RAB44: variants seen among roughly 807,000 people sequenced by gnomAD.
The protein encoded by RAB44 is ras-related protein Rab-44.
Under a neutral mutation model 93.3 loss-of-function variants are expected in RAB44, and 67 were observed. The observed-to-expected ratio is 0.72, with a 90% confidence interval of 0.59 to 0.88. RAB44 has a LOEUF of 0.88. Ranked by LOEUF, RAB44 falls within the 40% of genes least tolerant of loss-of-function variation. The pLI is 0.00. For missense variants in RAB44, 1,064 were observed against 1,261.7 expected (o/e 0.84, Z 2.37); for synonymous variants, 427 against 520.3 (o/e 0.82, Z 2.44).
chr6:36,730,383 G>A (rs236463), intron 12 of RAB44, among the ~76,000 whole-genome samples: 50,973 of 151,924 alleles, frequency 0.34, 8,750 homozygotes, highest in Middle Eastern at 0.4. Flanking sequence ...ATGTCTCCAG[G>A]GGCATTTCTC....
At position 36,718,600 on chromosome 6, in the gene RAB44, G is replaced by A. The variant is rs1377825745; in HGVS notation, c.828+12G>A. On this transcript the variant is annotated intron_variant, in intron 7 of 13. Coordinates refer to ENST00000612677, the MANE Select transcript of RAB44 (RefSeq NM_001257357.2). ...AGGGCCAGAGGGAGGTGAGTAATAG[G>A]GTTTCCCAGAAACCTACTTCCGAAC... 3 of 1,221,470 alleles carry A rather than the reference G, an allele frequency of 2.5e-6. No homozygotes were observed. Among genetic ancestry groups the A allele is most frequent in the African/African-American group, 1.6e-5 (1 of 64,292 alleles). The allele number at this position is 1,221,470 out of a possible 1,614,324, so 75.7% of individuals were successfully genotyped here. A position where few individuals can be genotyped will look rare whatever the true frequency, so the allele number is the denominator to read the frequency against.
At chr6:36,729,931 G>C (rs562179035) in intron 12 of RAB44, among the ~76,000 whole-genome samples, 72 of 152,266 alleles carry the variant, frequency 4.7e-4, no homozygotes, top group Admixed American at 1.3e-3. Flanking sequence ...TTTATATGAG[G>C]GTTTTCAAAT....
At chr6:36,713,177 G>T (rs1762829148) in intron 2 of RAB44, among the ~76,000 whole-genome samples, 1 of 152,168 alleles carries the variant, frequency 6.6e-6, no homozygotes, top group African/African-American at 2.4e-5. Flanking sequence ...TCTTATAGGA[G>T]ATTTAACTCA....
chr6:36,708,073 G>T (rs1488573741), intron 2 of RAB44, among the ~76,000 whole-genome samples: 2 of 152,100 alleles, frequency 1.3e-5, no homozygotes. Context: ...TTAGCCAGGT[G>T]TGGTGGTGTG....
chr6:36,720,657 G>A (rs1228514403), intron 8 of RAB44, 107 bp downstream of exon 8: 1 of 869,910 alleles, frequency 1.1e-6, no homozygotes, highest in Non-Finnish European at 1.5e-6. Flanking sequence ...TGCACACATA[G>A]ACTCCTTCCT....
chr6:36,724,139 TTTTATTTATTTATTTATTTA>T (rs35704587), intron 9 of RAB44, among the ~76,000 whole-genome samples: 184 of 146,468 alleles, frequency 1.3e-3, no homozygotes, highest in African/African-American at 4.4e-3. Context: ...CATTATTTTA[TTTTATTTATTTATTTATTTA>T]TTTATTTATT....
chr6:36,730,592 G>T, intron 12 of RAB44, 81 bp from the exon 13 acceptor site: 1 of 876,458 alleles, frequency 1.1e-6, no homozygotes, highest in African/African-American at 1.7e-5. Flanking sequence ...TCTGATGGCC[G>T]GGACTTTAGT....
In RAB44 at chr6:36,715,546, G is replaced by A. The variant is rs1327465603; in HGVS notation, c.387G>A (p.Arg129=). The change falls in exon 4 of 14, where the codon CGG becomes CGA. Residue 129 remains arginine (R), a synonymous_variant. Transcript: ENST00000612677. ...LRRRKPLPSK[R]VSATTSFPAL... ...GAAGGAAGCCACTGCCCTCTAAGCG[G>A]GTATCTGCTACCACCAGCTTCCCAG... 1 of 1,536,164 alleles carries A rather than the reference G, an allele frequency of 6.5e-7. No individual in the cohort carries two copies. Among genetic ancestry groups the A allele is most frequent in the Non-Finnish European group, 8.7e-7 (1 of 1,146,910 alleles).
chr6:36,703,306 G>A (rs979157704), intron 1 of RAB44, among the ~76,000 whole-genome samples: 5 of 152,172 alleles, frequency 3.3e-5, no homozygotes, highest in African/African-American at 4.8e-5. Flanking sequence ...TGCTTCACTG[G>A]GGATCAAGTT....
At position 36,722,493 on chromosome 6, in the gene RAB44, C is replaced by A. The variant is rs1763117838; in HGVS notation, c.2359C>A (p.Gln787Lys). Residue 787 changes from glutamine (Q) to lysine (K), a missense_variant, in exon 9 of 14, where the codon CAA (glutamine) becomes AAA (lysine). Coordinates refer to ENST00000612677, the MANE Select transcript of RAB44 (RefSeq NM_001257357.2). ...PSLTTAHAEE[Q>K]GPPHSREPRA... ...CCTCACGACTGCTCACGCAGAAGAA[C>A]AAGGCCCGCCTCACTCCAGGGAACC... The A allele has an allele frequency of 6.7e-7, 1 of 1,484,664 alleles. No individual in the cohort carries two copies. Among genetic ancestry groups the A allele is most frequent in the Non-Finnish European group, 9.0e-7 (1 of 1,116,932 alleles). 92.0% of individuals were successfully genotyped at this position (1,484,664 alleles called of 1,614,324 possible).
At chr6:36,716,636 C>G (rs1447926292) in intron 4 of RAB44, among the ~76,000 whole-genome samples, 1 of 151,968 alleles carries the variant, frequency 6.6e-6, no homozygotes, top group African/African-American at 2.4e-5. Context: ...ATTCCTCACG[C>G]TTGGCTCCCG....
chr6:36,713,764 C>T, intron 2 of RAB44, 64 bp from the exon 3 acceptor site: 1 of 1,015,808 alleles, frequency 9.8e-7, no homozygotes, highest in Admixed American at 2.0e-5. Flanking sequence ...AAACATCTCT[C>T]CGTTTTGGAG....
At chr6:36,712,162 G>T (rs971259666) in intron 2 of RAB44, among the ~76,000 whole-genome samples, 2 of 151,820 alleles carry the variant, frequency 1.3e-5, no homozygotes, top group Admixed American at 6.6e-5. Context: ...AACTAGCCAG[G>T]TGTGGTGGCA....
intron 2 of RAB44, among the ~76,000 whole-genome samples, chr6:36,704,965 C>T (rs149813880): frequency 0.067 from 10,177 of 152,004 alleles, 865 homozygotes; most frequent in African/African-American, 0.2. Flanking sequence ...ACTAAAAATA[C>T]AAAAATTAGC....
Position 36,731,245 on chromosome 6 carries a change from C to T in RAB44, c.2975+496C>T, listed in dbSNP as rs28435301. 2.4e-4 allele frequency among the ~76,000 whole-genome samples: 37 copies of T among 152,186 alleles called. No individual in the cohort carries two copies. Among genetic ancestry groups the T allele is most frequent in the African/African-American group, 8.9e-4 (37 of 41,510 alleles). On this transcript the variant is annotated intron_variant, in intron 13 of 13. Transcript: ENST00000612677. This position sits in a 1 kb window ranked among gnomAD's most constrained non-coding sequence, Gnocchi z 4.0. Reference sequence around the variant, plus strand: ...GTTCCAGCCACTCAGAGACTCCCTCCCTGATCACCCACCTGCCATCACTAT... The same window carrying T: ...GTTCCAGCCACTCAGAGACTCCCTCTCTGATCACCCACCTGCCATCACTAT...
Sources: gnomAD v4.1 joint callset for allele counts (sites outside exome capture counted in the v4.1 genomes callset) on GRCh38, gnomAD v4.1.1 for gene constraint, Gnocchi (gnomAD v3.1) non-coding constraint, MANE v1.5 for transcripts, NCBI Gene and HGNC (gene_info 2026-07-23, HGNC 2026-07-21) for gene names.